The following WSCD1 variants were observed in gnomAD, a reference collection of about 807,000 sequenced individuals.
WSCD1 encodes the protein WSC domain sialate O sulfotransferase 1.
WSCD1 carries 41 observed loss-of-function variants against 60.4 expected under a neutral mutation model. The ratio of observed to expected loss-of-function variants is 0.68; its 90% CI spans 0.53 to 0.88. The LOEUF (loss-of-function observed/expected upper bound fraction) is 0.88, where lower values mean the gene tolerates loss of function less well. Ranked by LOEUF, WSCD1 falls within the 40% of genes least tolerant of loss-of-function variation. The pLI, the probability that WSCD1 is intolerant of heterozygous loss-of-function variation, is 0.00. For synonymous variants in WSCD1, 361 were observed against 332.5 expected, an observed-to-expected ratio of 1.09 and a Z score of -0.93; for missense variants, 784 against 796.2, an observed-to-expected ratio of 0.98 and a Z score of 0.18.
intron 4 of WSCD1, among the ~76,000 whole-genome samples, chr17:6,092,934 C>T (rs908693805): frequency 2.0e-5 from 3 of 152,222 alleles, no homozygotes; most frequent in African/African-American, 7.2e-5. Context: ...TGCCTTCCTG[C>T]CCCCTTCCTG....
intron 4 of WSCD1, among the ~76,000 whole-genome samples, chr17:6,092,596 A>G (rs566051229): frequency 3.3e-4 from 50 of 152,270 alleles, no homozygotes; most frequent in Non-Finnish European, 1.5e-4. Flanking sequence ...TGGACATGCA[A>G]ACGGGCTTCC....
chr17:6,096,055 G>A (rs1198250816), intron 5 of WSCD1, among the ~76,000 whole-genome samples: 1 of 152,210 alleles, frequency 6.6e-6, no homozygotes, highest in South Asian at 2.1e-4. Context: ...TGACGATTAT[G>A]ACAATCAACA....
chr17:6,076,450 G>T (rs1272342369), intron 1 of WSCD1, among the ~76,000 whole-genome samples: 1 of 152,150 alleles, frequency 6.6e-6, no homozygotes, highest in Non-Finnish European at 1.5e-5. Flanking sequence ...CTGGGGAGAG[G>T]CCTCTTGAGT....
Position 6,120,553 on chromosome 17 carries a change from C to T in WSCD1, c.1620C>T (p.Pro540=). Residue 540 remains proline (P), a synonymous_variant, in exon 9 of 9, where the codon CCC becomes CCT. Coordinates refer to ENST00000317744, the MANE Select transcript of WSCD1 (RefSeq NM_015253.2). The stretch of plus-strand genomic sequence containing the variant: ...GCCGGCGCTCCCACGACCCTGAGCC[C>T]TTCACCCCGGAGATGAAAGACTTGA... The part of the protein sequence containing the change: ...RRGRRSHDPE[P]FTPEMKDLIN... 2 of 1,613,842 alleles carry T rather than the reference C, an allele frequency of 1.2e-6. No individual in the cohort carries two copies. Among genetic ancestry groups the T allele is most frequent in the East Asian group, 2.2e-5 (1 of 44,872 alleles).
At chr17:6,073,499 G>A (rs1350687088) in intron 1 of WSCD1, among the ~76,000 whole-genome samples, 1 of 152,180 alleles carries the variant, frequency 6.6e-6, no homozygotes, top group East Asian at 1.9e-4. Flanking sequence ...GCATGGTGGT[G>A]TGTGCCTGTA....
rs746971253 is a variant in WSCD1, at chr17:6,120,624, A to G, written c.1691A>G (p.Asn564Ser). The change falls in exon 9 of 9, where the codon AAC (asparagine) becomes AGC (serine). Residue 564 changes from asparagine (N) to serine (S), a missense_variant. Physicochemically the swap from Asn to Ser is conservative, Grantham distance 46 (BLOSUM62 1). Transcript: ENST00000317744. The stretch of plus-strand genomic sequence containing the variant: ...GTGGACCAAGCCCTGCGTGACCACA[A>G]CTGGACGGGGCTGCCCAGGGAGTAT... ...RTVDQALRDH[N>S]WTGLPREYVP... 6 of 1,613,320 alleles carry G rather than the reference A, an allele frequency of 3.7e-6. No individual in the cohort carries two copies. The highest frequency in any genetic ancestry group is 3.3e-5 in the Admixed American group (2 of 60,028).
rs1013898473 is a variant in WSCD1 at position 6,080,750 on chromosome 17, G to C, written c.92G>C (p.Ser31Thr). The change falls in exon 2 of 9, where the codon AGC becomes ACC. Residue 31 changes from serine (S) to threonine (T), a missense_variant. Coordinates refer to ENST00000317744, the MANE Select transcript of WSCD1 (RefSeq NM_015253.2). The surrounding 1 kb of genome is among the most constrained non-coding windows in gnomAD (Gnocchi z 6.6). ...ACGGCTGCCTACCTGATGACCGGCAGCCTGCTGCTGCTGCAGCGGGTCCGC... is the reference window on the plus strand; with the variant it reads ...ACGGCTGCCTACCTGATGACCGGCACCCTGCTGCTGCTGCAGCGGGTCCGC... ...FLTAAYLMTG[S>T]LLLLQRVRVA... 6.2e-7 allele frequency: 1 copy of C among 1,612,156 alleles called. No homozygotes were observed. The highest frequency in any genetic ancestry group is 8.5e-7 in the Non-Finnish European group (1 of 1,179,642).
upstream of WSCD1, chr17:6,069,198 C>A (rs2150520808): frequency 7.5e-6 from 3 of 398,690 alleles, no homozygotes; most frequent in South Asian, 1.3e-4. Flanking sequence ...ATCTTAGCAG[C>A]CAGCTCCGGG....
At position 6,120,368 on chromosome 17, in the gene WSCD1, C is replaced by G; in HGVS notation, c.1435C>G (p.Leu479Val). 1 of 1,614,154 alleles carries G rather than the reference C, an allele frequency of 6.2e-7. No individual in the cohort carries two copies. Among genetic ancestry groups the G allele is most frequent in the Non-Finnish European group, 8.5e-7 (1 of 1,180,046 alleles). ...SWWSSHVLDWLKYGKRLLVVH... is the reference protein window; with the variant it reads ...SWWSSHVLDWVKYGKRLLVVH... ...GTGGTCCTCGCACGTCCTGGACTGG[C>G]TCAAGTACGGGAAGCGGCTGCTGGT... The change falls in exon 9 of 9, where the codon CTC (leucine) becomes GTC (valine). Residue 479 changes from leucine (L) to valine (V), a missense_variant. Leu to Val is a conservative substitution (Grantham distance 32). Transcript: ENST00000317744.
chr17:6,103,847 A>G (rs969813907), intron 5 of WSCD1, among the ~76,000 whole-genome samples: 1 of 152,170 alleles, frequency 6.6e-6, no homozygotes, highest in African/African-American at 2.4e-5. Flanking sequence ...AAGGCACTTC[A>G]AGAGTATTTC....
At position 6,084,373 on chromosome 17, in the gene WSCD1, A is replaced by G. The variant is rs115076401; in HGVS notation, c.427+3288A>G. On this transcript the variant is annotated intron_variant, in intron 2 of 8. Coordinates refer to ENST00000317744, the MANE Select transcript of WSCD1 (RefSeq NM_015253.2). ...GGGCCCCTTCCTGTCGTGGGGCTCC[A>G]TGGGCCAAGCACAGCCAGTCCGGCC... Among the ~76,000 whole-genome samples, 1,038 of 152,328 alleles carry G rather than the reference A, an allele frequency of 6.8e-3. 10 individuals carry two copies. The highest frequency in any genetic ancestry group is 0.024 in the African/African-American group (987 of 41,584).
At chr17:6,100,761 C>T (rs1910751814) in intron 5 of WSCD1, among the ~76,000 whole-genome samples, 1 of 152,212 alleles carries the variant, frequency 6.6e-6, no homozygotes, top group African/African-American at 2.4e-5. Flanking sequence ...ACACAGTCCC[C>T]ACACATTGCC....
At chr17:6,092,739 C>T (rs1338793718) in intron 4 of WSCD1, among the ~76,000 whole-genome samples, 2 of 152,158 alleles carry the variant, frequency 1.3e-5, no homozygotes, top group Admixed American at 6.5e-5. Context: ...TCTGCCTGCT[C>T]AGTAATTGAT....
chr17:6,071,351 C>T (rs1908534079), intron 1 of WSCD1, among the ~76,000 whole-genome samples: 1 of 152,082 alleles, frequency 6.6e-6, no homozygotes, highest in African/African-American at 2.4e-5. Flanking sequence ...AGCATTTGTG[C>T]GCCTGGGATG....
chr17:6,084,882 T>C (rs1363693928), intron 2 of WSCD1: 1 of 152,210 alleles, frequency 6.6e-6, no homozygotes, highest in Non-Finnish European at 1.5e-5. Flanking sequence ...TTAGAAAAGC[T>C]GTTCATTCTG....
At chr17:6,100,532 A>G (rs1910738710) in intron 5 of WSCD1, among the ~76,000 whole-genome samples, 1 of 152,174 alleles carries the variant, frequency 6.6e-6, no homozygotes, top group Non-Finnish European at 1.5e-5. Context: ...AACCGTCTGT[A>G]CTGTTAGCCC....
rs1911374962 is a variant in WSCD1 at position 6,110,956 on chromosome 17, A to G, written c.1174+21A>G. ...CAAAGGTAAGTCAAAGCTACAGGGG[A>G]CGATGGAAGGCAGCTCCCGGTGACC... On this transcript the variant is annotated intron_variant, in intron 7 of 8. Transcript: ENST00000317744. This position sits in a 1 kb window ranked among gnomAD's most constrained non-coding sequence, Gnocchi z 4.8. 2.5e-6 allele frequency: 4 copies of G among 1,576,978 alleles called. No homozygotes were observed. The highest frequency in any genetic ancestry group is 1.7e-4 in the Middle Eastern group (1 of 5,740).
intron 5 of WSCD1, among the ~76,000 whole-genome samples, chr17:6,097,953 T>TTC (rs201345716): frequency 5.0e-4 from 58 of 116,354 alleles, no homozygotes; most frequent in Admixed American, 9.7e-4. Flanking sequence ...GAGTTCTTTC[T>TTC]TTTTTTTTTT....
chr17:6,116,362 T>C (rs1399834359), intron 7 of WSCD1, among the ~76,000 whole-genome samples: 1 of 152,010 alleles, frequency 6.6e-6, no homozygotes, highest in Non-Finnish European at 1.5e-5. Flanking sequence ...ACAAGACCAT[T>C]AGATGTGGCC....
Sources: gnomAD v4.1 joint callset for allele counts (sites outside exome capture counted in the v4.1 genomes callset) on GRCh38, gnomAD v4.1.1 for gene constraint, Gnocchi (gnomAD v3.1) non-coding constraint, MANE v1.5 for transcripts, NCBI Gene and HGNC (gene_info 2026-07-23, HGNC 2026-07-21) for gene names.